The following ARHGAP15 variants were observed in gnomAD, a reference collection of about 807,000 sequenced individuals.
ARHGAP15 encodes rho GTPase-activating protein 15.
ARHGAP15 carries 51 observed loss-of-function variants against 63.7 expected under a neutral mutation model. The ratio of observed to expected loss-of-function variants is 0.80; its 90% CI spans 0.64 to 1.01. ARHGAP15 has a LOEUF of 1.01. ARHGAP15 is among the 50% of genes least tolerant of loss of function. The probability of loss-of-function intolerance (pLI) is 0.00; values close to 1 mark genes in which losing one functional copy is unlikely to be tolerated. For synonymous variants in ARHGAP15, 191 were observed against 193.8 expected (o/e 0.99, Z 0.12); for missense variants, 560 against 564.6 (o/e 0.99, Z 0.08).
chr2:143,473,172 CAG>C (rs756066178), intron 8 of ARHGAP15, among the ~76,000 whole-genome samples: 25 of 152,198 alleles, frequency 1.6e-4, no homozygotes, highest in Non-Finnish European at 3.5e-4. Context: ...TCACATGACT[CAG>C]AGAAATTCTC....
At chr2:143,262,535 A>ATTCTTTTTTTTT (rs1680774034) in intron 6 of ARHGAP15, among the ~76,000 whole-genome samples, 1 of 90,924 alleles carries the variant, frequency 1.1e-5, no homozygotes, top group African/African-American at 4.7e-5. Context: ...TGAACCTTTG[A>ATTCTTTTTTTTT]TTTTTTTTTT....
At chr2:143,675,360 A>G (rs1300001729) in intron 12 of ARHGAP15, among the ~76,000 whole-genome samples, 1 of 152,002 alleles carries the variant, frequency 6.6e-6, no homozygotes, top group Non-Finnish European at 1.5e-5. Context: ...TAATGTTGCT[A>G]TTTTGCCCTT....
intron 5 of ARHGAP15, among the ~76,000 whole-genome samples, chr2:143,231,496 T>C (rs1693440841): frequency 6.6e-6 from 1 of 152,236 alleles, no homozygotes; most frequent in Non-Finnish European, 1.5e-5. Flanking sequence ...GGGCTCTAGA[T>C]GTTAACCTCT....
Position 143,451,217 on chromosome 2 carries a change from C to T in ARHGAP15, c.703+14175C>T, listed in dbSNP as rs972276111. Among the ~76,000 whole-genome samples the T allele has an allele frequency of 2.6e-5, 4 of 151,824 alleles. No individual in the cohort carries two copies. In the Admixed American group the frequency reaches 2.6e-4, roughly 10 times the overall value. On this transcript the variant is annotated intron_variant, in intron 8 of 13. Transcript: ENST00000295095. ...TCGGGGATAGCAAAGTACAAAATGTCAGTCTTCAAATCTCCTTGGACTTGC... is the reference window on the plus strand; with the variant it reads ...TCGGGGATAGCAAAGTACAAAATGTTAGTCTTCAAATCTCCTTGGACTTGC...
chr2:143,604,240 T>G (rs1697895351), intron 11 of ARHGAP15, among the ~76,000 whole-genome samples: 1 of 152,184 alleles, frequency 6.6e-6, no homozygotes, highest in Admixed American at 6.5e-5. Context: ...ACTTGGAAAT[T>G]CAGGTTATAA....
chr2:143,179,593 A>G (rs1406979684), intron 2 of ARHGAP15, among the ~76,000 whole-genome samples: 2 of 152,206 alleles, frequency 1.3e-5, no homozygotes, highest in African/African-American at 4.8e-5. Context: ...CATTTTGTAT[A>G]AAAAACAATA....
chr2:143,406,165 A>T (rs1350725627), intron 6 of ARHGAP15, among the ~76,000 whole-genome samples: 6 of 151,788 alleles, frequency 4.0e-5, no homozygotes, highest in Non-Finnish European at 7.4e-5. Context: ...GATGTACCTC[A>T]GTTAATAATT....
At chr2:143,664,623 C>T (rs1397681680) in intron 12 of ARHGAP15, among the ~76,000 whole-genome samples, 3 of 151,164 alleles carry the variant, frequency 2.0e-5, no homozygotes, top group African/African-American at 7.3e-5. Flanking sequence ...ATTAATGAAT[C>T]CAGGAGCTGG....
chr2:143,545,878 A>G (rs1393633045), intron 10 of ARHGAP15, among the ~76,000 whole-genome samples: 2 of 152,210 alleles, frequency 1.3e-5, no homozygotes, highest in African/African-American at 4.8e-5. Flanking sequence ...ACAGATGACA[A>G]GATTCACAAA....
At chr2:143,647,036 C>CA (rs1449052361) in intron 12 of ARHGAP15, among the ~76,000 whole-genome samples, 2 of 151,498 alleles carry the variant, frequency 1.3e-5, no homozygotes, top group African/African-American at 4.8e-5. Context: ...CAAAAGATCA[C>CA]AAAAAAAGTC....
At chr2:143,472,916 A>C (rs927692017) in intron 8 of ARHGAP15, among the ~76,000 whole-genome samples, 6 of 152,202 alleles carry the variant, frequency 3.9e-5, no homozygotes, top group Admixed American at 2.0e-4. Flanking sequence ...AGATCTCTTA[A>C]TGCGCAAGCC....
chr2:143,492,624 T>A (rs1319383362), intron 9 of ARHGAP15, among the ~76,000 whole-genome samples: 2 of 151,872 alleles, frequency 1.3e-5, no homozygotes, highest in Non-Finnish European at 2.9e-5. Flanking sequence ...TAGCCAGGCG[T>A]GGTGATGCAT....
intron 13 of ARHGAP15, among the ~76,000 whole-genome samples, chr2:143,718,344 G>A (rs575257590): frequency 6.6e-6 from 1 of 152,224 alleles, no homozygotes; most frequent in East Asian, 1.9e-4. Flanking sequence ...GGAGGTTAGG[G>A]GCTGTCTTGG....
intron 4 of ARHGAP15, among the ~76,000 whole-genome samples, chr2:143,218,477 T>C (rs1353674061): frequency 6.6e-6 from 1 of 152,148 alleles, no homozygotes; most frequent in Admixed American, 6.6e-5. Context: ...TTAATGTGTG[T>C]TTATCAAACT....
At chr2:143,374,529 G>C (rs1025077252) in intron 6 of ARHGAP15, among the ~76,000 whole-genome samples, 2 of 152,010 alleles carry the variant, frequency 1.3e-5, no homozygotes, top group Non-Finnish European at 2.9e-5. Flanking sequence ...TTTTGAGATA[G>C]TGTCTTGCTC....
chr2:143,542,652 TATATA>T (rs1268106649), intron 10 of ARHGAP15, among the ~76,000 whole-genome samples: 1 of 142,358 alleles, frequency 7.0e-6, no homozygotes, highest in East Asian at 2.0e-4. Flanking sequence ...ATATATATGA[TATATA>T]TTATATATAT....
chr2:143,701,365 G>T (rs2105417960), intron 12 of ARHGAP15, among the ~76,000 whole-genome samples: 1 of 152,208 alleles, frequency 6.6e-6, no homozygotes, highest in Admixed American at 6.5e-5. Context: ...TTATTATTAA[G>T]AACTGTATTT....
At chr2:143,307,606 T>C in intron 6 of ARHGAP15, among the ~76,000 whole-genome samples, 1 of 152,048 alleles carries the variant, frequency 6.6e-6, no homozygotes, top group East Asian at 1.9e-4. Flanking sequence ...GAGGTTGATC[T>C]GGAGGTAACT....
chr2:143,151,265 A>G (rs979787159), intron 1 of ARHGAP15, among the ~76,000 whole-genome samples: 1 of 152,014 alleles, frequency 6.6e-6, no homozygotes, highest in African/African-American at 2.4e-5. Context: ...ACCTTATTTC[A>G]TAAAGGCTAA....
Sources: allele counts gnomAD v4.1 joint callset (sites outside exome capture counted in the v4.1 genomes callset), GRCh38; gene constraint gnomAD v4.1.1; transcripts MANE v1.5; gene names NCBI Gene and HGNC (gene_info 2026-07-23, HGNC 2026-07-21).